The following FAT4 variants were observed in gnomAD, a reference collection of about 807,000 sequenced individuals.
FAT4 encodes protocadherin Fat 4.
FAT4 carries 84 observed loss-of-function variants against 303.9 expected under a neutral mutation model. The observed-to-expected ratio is 0.28, with a 90% confidence interval of 0.23 to 0.33. The LOEUF (loss-of-function observed/expected upper bound fraction) is 0.33, where lower values mean the gene tolerates loss of function less well. Among genes scored for constraint, FAT4 ranks in the 10% least tolerant of loss-of-function variants. The probability of loss-of-function intolerance (pLI) is 1.00; values close to 1 mark genes in which losing one functional copy is unlikely to be tolerated. For missense variants in FAT4, 6,005 were observed against 6,146.8 expected (o/e 0.98, Z 0.77); for synonymous variants, 2,307 against 2,298.8 (o/e 1.00, Z -0.10).
chr4:125,336,865 C>T (rs1237367107), intron 2 of FAT4, among the ~76,000 whole-genome samples: 6 of 151,806 alleles, frequency 4.0e-5, no homozygotes, highest in South Asian at 2.1e-4. Context: ...GAGTGATAGG[C>T]GGGAACTCAT....
chr4:125,348,523 C>T (rs1463239945), intron 2 of FAT4, among the ~76,000 whole-genome samples: 3 of 151,544 alleles, frequency 2.0e-5, no homozygotes, highest in South Asian at 2.1e-4. Context: ...AACCAACACC[C>T]AGGATTAGAG....
chr4:125,459,231 C>A (rs1726399167), intron 10 of FAT4, among the ~76,000 whole-genome samples: 1 of 151,870 alleles, frequency 6.6e-6, no homozygotes, highest in Admixed American at 6.6e-5. Context: ...TGGAGTGGTC[C>A]AATTTAGCAG....
chr4:125,320,456 G>C lies in FAT4; in HGVS notation c.4045G>C (p.Asp1349His), dbSNP rs1730889626. The change falls in exon 2 of 18, where the codon GAT becomes CAT. Residue 1349 changes from aspartate to histidine, a missense_variant. By Grantham distance (81) the Asp-to-His change is moderately conservative. Transcript: ENST00000394329. ...TGATTCCGATTCAGGTGACAATGCT[G>C]ATTTATATTACAGTATTACTGGGAC... is the stretch of plus-strand genomic sequence containing the variant. The part of the protein sequence containing the change: ...ATDSDSGDNA[D>H]LYYSITGTNN... 6.2e-7 allele frequency: 1 copy of C among 1,613,940 alleles called. No homozygotes were observed. The highest frequency in any genetic ancestry group is 8.5e-7 in the Non-Finnish European group (1 of 1,179,930).
At chr4:125,405,318 C>G (rs939512802) in intron 3 of FAT4, among the ~76,000 whole-genome samples, 3 of 152,044 alleles carry the variant, frequency 2.0e-5, no homozygotes, top group Non-Finnish European at 2.9e-5. Flanking sequence ...TACTGTTTTT[C>G]CACAACAGCT....
At chr4:125,486,892 A>G (rs770372585) in intron 16 of FAT4, among the ~76,000 whole-genome samples, 27 of 152,116 alleles carry the variant, frequency 1.8e-4, no homozygotes, top group Non-Finnish European at 2.9e-4. Context: ...TTTTTAAACT[A>G]TGCTTCCCTT....
At chr4:125,455,806 A>G (rs1419218255) in intron 10 of FAT4, among the ~76,000 whole-genome samples, 3 of 152,260 alleles carry the variant, frequency 2.0e-5, no homozygotes, top group East Asian at 1.9e-4. Context: ...CAGAAAGCCT[A>G]TAAGACAGTG....
Position 125,491,759 on chromosome 4 carries a change from G to T in FAT4, c.14943G>T (p.Gln4981His). 1 of 1,609,072 alleles carries T rather than the reference G, an allele frequency of 6.2e-7. No homozygotes were observed. Among genetic ancestry groups the T allele is most frequent in the Non-Finnish European group, 8.5e-7 (1 of 1,177,852 alleles). The part of the protein sequence containing the change: ...KPVPKDGEAE[Q>H]YV ...TCCCCAAAGATGGGGAAGCAGAACA[G>T]TATGTGTGAAGTTTATGTACTGGCA... Residue 4981 changes from glutamine to histidine, a missense_variant, in exon 18 of 18, where the codon CAG becomes CAT. By Grantham distance (24) the Gln-to-His change is conservative. Transcript: ENST00000394329.
At chr4:125,376,394 G>A (rs10011289) in intron 2 of FAT4, among the ~76,000 whole-genome samples, 22,639 of 151,984 alleles carry the variant, frequency 0.15, 2,072 homozygotes, top group African/African-American at 0.27. Flanking sequence ...GAGAACACTT[G>A]GACACAGGGT....
At chr4:125,349,774 T>C (rs1056359588) in intron 2 of FAT4, among the ~76,000 whole-genome samples, 1 of 151,692 alleles carries the variant, frequency 6.6e-6, no homozygotes. Flanking sequence ...TATATAAAGA[T>C]GCACAAAGGC....
chr4:125,388,175 C>T (rs7688616), intron 2 of FAT4, among the ~76,000 whole-genome samples: 7,730 of 152,118 alleles, frequency 0.051, 244 homozygotes, highest in African/African-American at 0.085. Context: ...TTATAGATAG[C>T]CCATTGTCCA....
chr4:125,415,430 A>C lies in FAT4; in HGVS notation c.6467A>C (p.Gln2156Pro). The change falls in exon 6 of 18, where the codon CAA (glutamine) becomes CCA (proline). Residue 2156 changes from glutamine (Q) to proline (P), a missense_variant. Gln to Pro is a moderately conservative substitution (Grantham distance 76, BLOSUM62 -1). Coordinates refer to ENST00000394329, the MANE Select transcript of FAT4 (RefSeq NM_001291303.3). ...DINDNNPIFA[Q>P]ALYKVEINEN... ...AATGATAACAACCCCATCTTTGCAC[A>C]AGCTTTGTATAAAGTGGAGATTAAT... 1 of 1,614,128 alleles carries C rather than the reference A, an allele frequency of 6.2e-7. No individual in the cohort carries two copies. Among genetic ancestry groups the C allele is most frequent in the Non-Finnish European group, 8.5e-7 (1 of 1,180,006 alleles).
chr4:125,477,146 T>C lies in FAT4; in HGVS notation c.12300-9T>C. Reference sequence around the variant, plus strand: ...ACACTAATATTTATATCTTCCATTATTTATTTAGGACTCTTGATGTTCAGC... The same window carrying C: ...ACACTAATATTTATATCTTCCATTACTTATTTAGGACTCTTGATGTTCAGC... On this transcript the variant is annotated splice_polypyrimidine_tract_variant and intron_variant, in intron 13 of 17. Coordinates refer to ENST00000394329, the MANE Select transcript of FAT4 (RefSeq NM_001291303.3). 1 of 1,341,624 alleles carries C rather than the reference T, an allele frequency of 7.5e-7. No individual in the cohort carries two copies. Among genetic ancestry groups the C allele is most frequent in the Non-Finnish European group, 9.7e-7 (1 of 1,035,874 alleles). 83.1% of individuals were successfully genotyped at this position (1,341,624 alleles called of 1,614,324 possible).
Position 125,451,593 on chromosome 4 carries a change from T to C in FAT4, c.10583T>C (p.Leu3528Ser), listed in dbSNP as rs1287358126. Residue 3528 changes from leucine (L) to serine (S), a missense_variant, in exon 10 of 18, where the codon TTG (leucine) becomes TCG (serine). Leu to Ser is a moderately radical substitution (Grantham distance 145). Transcript: ENST00000394329. Reference protein sequence around the residue: ...EVMENKRPGTLVMTLQSTDPD... With the variant: ...EVMENKRPGTSVMTLQSTDPD... ...ATGGAAAACAAACGGCCAGGCACTTTGGTGATGACCCTTCAGTCCACTGAC... is the reference window on the plus strand; with the variant it reads ...ATGGAAAACAAACGGCCAGGCACTTCGGTGATGACCCTTCAGTCCACTGAC... The C allele has an allele frequency of 1.2e-6, 2 of 1,614,138 alleles. No individual in the cohort carries two copies. Among genetic ancestry groups the C allele is most frequent in the Non-Finnish European group, 1.7e-6 (2 of 1,180,012 alleles).
At chr4:125,371,396 T>A (rs1733108426) in intron 2 of FAT4, among the ~76,000 whole-genome samples, 2 of 151,774 alleles carry the variant, frequency 1.3e-5, no homozygotes, top group African/African-American at 2.4e-5. Flanking sequence ...CAACAGTGGA[T>A]AAGTTGGAGA....
rs139695166 is a variant in FAT4 at position 125,417,781 on chromosome 4, C to G, written c.7018+1159C>G. Among the ~76,000 whole-genome samples the G allele has an allele frequency of 2.4e-3, 365 of 152,268 alleles. 4 individuals carry two copies. Among genetic ancestry groups the G allele is most frequent in the Admixed American group, 8.1e-3 (124 of 15,292 alleles). On this transcript the variant is annotated intron_variant, in intron 7 of 17. Coordinates refer to ENST00000394329, the MANE Select transcript of FAT4 (RefSeq NM_001291303.3). ...GCATTAATTAAACCTTGTTTCAAAG[C>G]ACAGCTCTCTATGGGCACTGTTTTT...
At position 125,451,448 on chromosome 4, in the gene FAT4, C is replaced by T. The variant is rs1016421946; in HGVS notation, c.10438C>T (p.Leu3480Phe). The T allele has an allele frequency of 2.6e-5, 42 of 1,614,046 alleles. No individual in the cohort carries two copies. The highest frequency in any genetic ancestry group is 3.5e-5 in the Non-Finnish European group (41 of 1,180,032). ...LDRETLPIYNLSVLAVDSGTP... is the reference protein window; with the variant it reads ...LDRETLPIYNFSVLAVDSGTP... The stretch of plus-strand genomic sequence containing the variant: ...TCGAGAAACCCTTCCCATCTATAAT[C>T]TCTCAGTTTTGGCTGTTGATTCAGG... Residue 3480 changes from leucine (L) to phenylalanine (F), a missense_variant, in exon 10 of 18, where the codon CTC (leucine) becomes TTC (phenylalanine). By Grantham distance (22) the Leu-to-Phe change is conservative. Transcript: ENST00000394329.
chr4:125,358,635 A>C (rs1322697848), intron 2 of FAT4, among the ~76,000 whole-genome samples: 1 of 152,134 alleles, frequency 6.6e-6, no homozygotes, highest in Admixed American at 6.6e-5. Context: ...AGTGATGGGA[A>C]GATGGGAAGC....
At chr4:125,349,648 A>G (rs1001962295) in intron 2 of FAT4, among the ~76,000 whole-genome samples, 1 of 151,780 alleles carries the variant, frequency 6.6e-6, no homozygotes, top group East Asian at 1.9e-4. Flanking sequence ...GCATGATTCA[A>G]TATATATGCC....
intron 2 of FAT4, among the ~76,000 whole-genome samples, chr4:125,334,441 G>C (rs1461587165): frequency 6.6e-6 from 1 of 151,880 alleles, no homozygotes; most frequent in Non-Finnish European, 1.5e-5. Flanking sequence ...TCATGACACT[G>C]CTTCTAAATC....
Sources: gnomAD v4.1 joint callset for allele counts (sites outside exome capture counted in the v4.1 genomes callset) on GRCh38, gnomAD v4.1.1 for gene constraint, MANE v1.5 for transcripts, NCBI Gene and HGNC (gene_info 2026-07-23, HGNC 2026-07-21) for gene names.